The following ZNF83 variants were observed in gnomAD, a reference collection of about 807,000 sequenced individuals.
The protein encoded by ZNF83 is zinc finger protein 816B.
For missense variants in ZNF83, 552 were observed against 629.9 expected (o/e 0.88, Z 1.32); for synonymous variants, 209 against 213.0 (o/e 0.98, Z 0.17).
rs1381162351 is a variant in ZNF83 at position 52,680,635 on chromosome 19, C to T, written c.-283+9808G>A. On this transcript the variant is annotated intron_variant, in intron 1 of 5. Transcript: ENST00000594682. ...TTTTTTTTTTTTTTTTTTTTTGAGA[C>T]GGAGTCTCGCTCTGTCGCCCAGGCT... Among the ~76,000 whole-genome samples the T allele has an allele frequency of 1.2e-4, 12 of 101,318 alleles. No homozygotes were observed. The South Asian group carries it at 1.3e-3, about 11-fold the overall frequency. The allele number at this position is 101,318 out of a possible 152,430, so 66.5% of individuals were successfully genotyped here.
chr19:52,617,055 G>A (rs1469826828), intron 2 of ZNF83: 1 of 152,112 alleles, frequency 6.6e-6, no homozygotes, highest in African/African-American at 2.4e-5. Context: ...CAAGGGGAGG[G>A]AGAACATTGG....
chr19:52,653,657 T>C (rs1321254351), intron 3 of ZNF83, among the ~76,000 whole-genome samples: 3 of 152,230 alleles, frequency 2.0e-5, no homozygotes, highest in African/African-American at 7.2e-5. Context: ...TTGTAAGGTT[T>C]TTCTCCAGTA....
intron 3 of ZNF83, chr19:52,651,861 A>T (rs1167696309): frequency 6.2e-6 from 1 of 161,958 alleles, no homozygotes; most frequent in African/African-American, 2.4e-5. Flanking sequence ...GAGCAACTGC[A>T]CCCTGCCCAT....
At chr19:52,625,634 C>T (rs916577486) in intron 2 of ZNF83, among the ~76,000 whole-genome samples, 18 of 152,310 alleles carry the variant, frequency 1.2e-4, no homozygotes, top group African/African-American at 4.1e-4. Flanking sequence ...TACTGGCAAA[C>T]TTAAAAACAT....
At chr19:52,659,071 G>C (rs953271950) in intron 2 of ZNF83, among the ~76,000 whole-genome samples, 1 of 152,098 alleles carries the variant, frequency 6.6e-6, no homozygotes, top group African/African-American at 2.4e-5. Context: ...CATCCGTCTG[G>C]GCCAGGGTCC....
At chr19:52,645,960 G>C (rs527803062) in intron 3 of ZNF83, among the ~76,000 whole-genome samples, 99 of 152,262 alleles carry the variant, frequency 6.5e-4, no homozygotes, top group African/African-American at 2.3e-3. Flanking sequence ...GTTTTTGTGA[G>C]ATGGAGACTT....
intron 1 of ZNF83, among the ~76,000 whole-genome samples, chr19:52,675,705 G>T (rs1309919356): frequency 6.6e-6 from 1 of 152,192 alleles, no homozygotes; most frequent in African/African-American, 2.4e-5. Flanking sequence ...GCCAGGAAAG[G>T]AAGGGCAAGG....
At chr19:52,665,604 T>A (rs2061639462) in intron 1 of ZNF83, among the ~76,000 whole-genome samples, 3 of 152,174 alleles carry the variant, frequency 2.0e-5, no homozygotes, top group Non-Finnish European at 1.5e-5. Context: ...TAAAGCAACC[T>A]TTTTTAATCA....
exon 3 of ZNF83, chr19:52,613,082 G>A (rs138103035): frequency 7.8e-5 from 126 of 1,612,828 alleles, no homozygotes; most frequent in Non-Finnish European, 9.6e-5. Flanking sequence ...GAATTGTCGC[G>A]GAAGAGTTTG....
chr19:52,688,209 T>G (rs1354961108), intron 1 of ZNF83, among the ~76,000 whole-genome samples: 2 of 152,110 alleles, frequency 1.3e-5, no homozygotes, highest in African/African-American at 4.8e-5. Flanking sequence ...CTCACTCTGT[T>G]GACCAGGCTG....
At chr19:52,670,520 A>G (rs894292424) in intron 1 of ZNF83, among the ~76,000 whole-genome samples, 2 of 152,144 alleles carry the variant, frequency 1.3e-5, no homozygotes, top group African/African-American at 4.8e-5. Flanking sequence ...ATTTGGTGCT[A>G]TTTCTTTTGC....
chr19:52,687,520 T>A (rs11669764), intron 1 of ZNF83, among the ~76,000 whole-genome samples: 1 of 54,144 alleles, frequency 1.8e-5, no homozygotes, highest in Non-Finnish European at 3.5e-5. Context: ...TATATATAAA[T>A]TTTATATATA....
chr19:52,636,003 A>AC (rs1273108391), intron 1 of ZNF83: 4 of 151,390 alleles, frequency 2.6e-5, no homozygotes, highest in Non-Finnish European at 4.4e-5. Flanking sequence ...AAAAAAAAAA[A>AC]AAAACTATGT....
chr19:52,681,707 A>C (rs2061924279), intron 1 of ZNF83, among the ~76,000 whole-genome samples: 1 of 152,212 alleles, frequency 6.6e-6, no homozygotes, highest in African/African-American at 2.4e-5. Flanking sequence ...ACCTAAGTAA[A>C]AGATACAGCT....
At chr19:52,656,049 G>A (rs7255536) in intron 2 of ZNF83, among the ~76,000 whole-genome samples, 80,996 of 151,832 alleles carry the variant, frequency 0.53, 22,223 homozygotes, top group East Asian at 0.71. Flanking sequence ...AGTCTCTACT[G>A]AAAACACAAA....
intron 1 of ZNF83, among the ~76,000 whole-genome samples, chr19:52,687,592 A>T (rs183755808): frequency 4.8e-5 from 1 of 20,742 alleles, no homozygotes; most frequent in African/African-American, 3.2e-4. Context: ...ATATATATAT[A>T]TATAATGTAT....
intron 1 of ZNF83, among the ~76,000 whole-genome samples, chr19:52,683,246 G>A (rs897511900): frequency 1.3e-5 from 1 of 74,584 alleles, no homozygotes; most frequent in Non-Finnish European, 2.7e-5. Flanking sequence ...GTGTGTGTGT[G>A]TGTGTGTGTG....
chr19:52,659,717 G>C (rs2061554296), intron 2 of ZNF83, among the ~76,000 whole-genome samples: 1 of 151,774 alleles, frequency 6.6e-6, no homozygotes, highest in Non-Finnish European at 1.5e-5. Flanking sequence ...CTAATTTCAG[G>C]ATGCAAAAGA....
intron 3 of ZNF83, among the ~76,000 whole-genome samples, chr19:52,645,809 C>A (rs944557001): frequency 6.7e-6 from 1 of 149,042 alleles, no homozygotes; most frequent in Non-Finnish European, 1.5e-5. Context: ...TCTGCCCCCC[C>A]CCAAAAAAAG....
Sources: allele counts gnomAD v4.1 joint callset (sites outside exome capture counted in the v4.1 genomes callset), GRCh38; gene constraint gnomAD v4.1.1; transcripts MANE v1.5; gene names NCBI Gene and HGNC (gene_info 2026-07-23, HGNC 2026-07-21).